Variants in TTC6 observed in about 807,000 individuals in gnomAD.
TTC6 encodes tetratricopeptide repeat protein 6.
In TTC6, 172 loss-of-function variants were observed where a neutral mutation model predicts 210.4. The ratio of observed to expected loss-of-function variants is 0.82; its 90% CI spans 0.72 to 0.93. TTC6 has a LOEUF of 0.93. Ranked by LOEUF, TTC6 falls within the 40% of genes least tolerant of loss-of-function variation. The pLI is 0.00. For synonymous variants in TTC6, 804 were observed against 819.6 expected, an observed-to-expected ratio of 0.98 and a Z score of 0.32; for missense variants, 2,414 against 2,318.1, an observed-to-expected ratio of 1.04 and a Z score of -0.85.
At chr14:37,673,392 A>G (rs2095762308) in intron 1 of TTC6, among the ~76,000 whole-genome samples, 1 of 152,162 alleles carries the variant, frequency 6.6e-6, no homozygotes, top group South Asian at 2.1e-4. Context: ...CTAAACCTTG[A>G]ACTTTACAGT....
At chr14:37,794,772 G>A (rs957654232) in intron 17 of TTC6, among the ~76,000 whole-genome samples, 2 of 151,718 alleles carry the variant, frequency 1.3e-5, no homozygotes, top group Admixed American at 1.3e-4. Context: ...TTTTTGTCTA[G>A]ATGGAGTCTC....
intron 29 of TTC6, among the ~76,000 whole-genome samples, chr14:37,838,998 G>T (rs1394379660): frequency 1.3e-5 from 2 of 152,110 alleles, no homozygotes; most frequent in Non-Finnish European, 2.9e-5. Flanking sequence ...CTTTTTCATG[G>T]CTGCATAGTA....
At chr14:37,636,095 T>C (rs1261583359) in intron 1 of TTC6, among the ~76,000 whole-genome samples, 1 of 151,854 alleles carries the variant, frequency 6.6e-6, no homozygotes, top group Non-Finnish European at 1.5e-5. Flanking sequence ...TTTAGGCATG[T>C]ATTTACCAAA....
chr14:37,842,018 A>G (rs2096211275), intron 30 of TTC6, 137 bp from the exon 33 acceptor site: 2 of 734,402 alleles, frequency 2.7e-6, no homozygotes, highest in Non-Finnish European at 4.1e-6. Flanking sequence ...GTGTTTTCAA[A>G]TTAAAAGTAT....
At chr14:37,782,286 A>G (rs1275658195) in intron 14 of TTC6, among the ~76,000 whole-genome samples, 2 of 151,992 alleles carry the variant, frequency 1.3e-5, no homozygotes, top group African/African-American at 4.8e-5. Flanking sequence ...ATTTGTTTGT[A>G]TCTTCTTTTA....
intron 23 of TTC6, among the ~76,000 whole-genome samples, chr14:37,808,351 G>A (rs1376754281): frequency 3.3e-5 from 5 of 152,134 alleles, no homozygotes; most frequent in Non-Finnish European, 5.9e-5. Flanking sequence ...TATGTGATAT[G>A]GTAGTCAGAG....
chr14:37,746,064 C>T (rs552583925), intron 10 of TTC6, among the ~76,000 whole-genome samples: 37 of 152,316 alleles, frequency 2.4e-4, no homozygotes, highest in African/African-American at 8.7e-4. Flanking sequence ...GCCACGAATC[C>T]TTGAGAGTTA....
At chr14:37,826,469 T>C in intron 28 of TTC6, 122 bp downstream of exon 30, 1 of 726,826 alleles carries the variant, frequency 1.4e-6, no homozygotes, top group Non-Finnish European at 1.9e-6. Flanking sequence ...ATGTTTTGTA[T>C]TTTTTTTTAA....
At chr14:37,657,212 CAAAAAAAA>C (rs61052302) in intron 1 of TTC6, among the ~76,000 whole-genome samples, 369 of 35,654 alleles carry the variant, frequency 0.01, 7 homozygotes, top group African/African-American at 0.032. Context: ...AACTCTGTCT[CAAAAAAAA>C]AAAAAAAAAA....
chr14:37,633,112 C>A (rs2139350598), intron 1 of TTC6, among the ~76,000 whole-genome samples: 1 of 152,260 alleles, frequency 6.6e-6, no homozygotes, highest in Middle Eastern at 3.4e-3. Flanking sequence ...GGCTTCAGCC[C>A]CCTTTCTAGG....
rs561808416 is a variant in TTC6, at chr14:37,732,487, G to A, written c.1819-3434G>A. Among the ~76,000 whole-genome samples, 26 of 151,164 alleles carry A rather than the reference G, an allele frequency of 1.7e-4. No homozygotes were observed. The East Asian group carries it at 4.9e-3, about 29-fold the overall frequency. On this transcript the variant is annotated intron_variant, in intron 7 of 30. Transcript: ENST00000553443. ...CGTGAGCCACCACGCCCGGCCTTAT[G>A]TACTGCATTCTTACAATGAAGTAAG...
intron 1 of TTC6, among the ~76,000 whole-genome samples, chr14:37,638,631 C>T (rs553345111): frequency 1.8e-4 from 4 of 22,362 alleles, no homozygotes; most frequent in African/African-American, 3.6e-4. Context: ...AGGGTGGGGG[C>T]GGGGGGGCTG....
exon 12 of TTC6, chr14:37,749,793 A>G: frequency 6.8e-7 from 1 of 1,466,276 alleles, no homozygotes; most frequent in Non-Finnish European, 9.0e-7. Context: ...AAAATTAATG[A>G]AGCTTTGGAT....
At chr14:37,768,024 G>A (rs894479457) in intron 14 of TTC6, among the ~76,000 whole-genome samples, 1 of 150,436 alleles carries the variant, frequency 6.6e-6, no homozygotes, top group Non-Finnish European at 1.5e-5. Flanking sequence ...CATATGGCCA[G>A]CCAGTTTTCC....
chr14:37,826,795 T>C (rs1457670147), intron 28 of TTC6, among the ~76,000 whole-genome samples: 1 of 152,180 alleles, frequency 6.6e-6, no homozygotes, highest in East Asian at 1.9e-4. Flanking sequence ...TTCTGTAGAT[T>C]TGGGCAGATG....
At chr14:37,748,455 T>C (rs1184980456) in intron 10 of TTC6, among the ~76,000 whole-genome samples, 1 of 152,148 alleles carries the variant, frequency 6.6e-6, no homozygotes, top group Non-Finnish European at 1.5e-5. Flanking sequence ...TGAAAGCATA[T>C]TAGGTATTAT....
chr14:37,725,495 CATGT>C (rs2095871350), intron 7 of TTC6, among the ~76,000 whole-genome samples: 1 of 151,130 alleles, frequency 6.6e-6, no homozygotes, highest in African/African-American at 2.4e-5. Flanking sequence ...GGATTACAGG[CATGT>C]GCCACCACAC....
chr14:37,596,376 G>C (rs1288123770), intron 1 of TTC6, among the ~76,000 whole-genome samples: 1 of 152,288 alleles, frequency 6.6e-6, no homozygotes, highest in Non-Finnish European at 1.5e-5. Flanking sequence ...ACTGCCCGCA[G>C]CGGCGCTTGG....
chr14:37,805,918 T>C (rs1396805796), intron 21 of TTC6, among the ~76,000 whole-genome samples: 7 of 152,154 alleles, frequency 4.6e-5, no homozygotes, highest in Admixed American at 3.9e-4. Context: ...GCCAGGATGG[T>C]CTTCATCTTT....
Sources: gnomAD v4.1 joint callset for allele counts (sites outside exome capture counted in the v4.1 genomes callset) on GRCh38, gnomAD v4.1.1 for gene constraint, MANE v1.5 for transcripts, NCBI Gene and HGNC (gene_info 2026-07-23, HGNC 2026-07-21) for gene names.